Variants in ATRNL1 observed in about 807,000 individuals in gnomAD.
ATRNL1 encodes attractin-like protein 1.
Under a neutral mutation model 182.7 loss-of-function variants are expected in ATRNL1, and 95 were observed. The ratio of observed to expected loss-of-function variants is 0.52; its 90% confidence interval spans 0.44 to 0.62. The LOEUF is 0.62. Ranked by LOEUF, ATRNL1 falls within the 20% of genes least tolerant of loss-of-function variation. The probability of loss-of-function intolerance (pLI) is 0.00; values close to 1 mark genes in which losing one functional copy is unlikely to be tolerated. For synonymous variants in ATRNL1, 576 were observed against 568.3 expected (o/e 1.01, Z -0.19); for missense variants, 1,471 against 1,679.5 (o/e 0.88, Z 2.17).
intron 26 of ATRNL1, among the ~76,000 whole-genome samples, chr10:115,578,325 G>A (rs560236025): frequency 2.6e-5 from 4 of 151,666 alleles, no homozygotes; most frequent in East Asian, 1.9e-4. Context: ...TAAGAATTAC[G>A]GATATTAATT....
intron 26 of ATRNL1, among the ~76,000 whole-genome samples, chr10:115,646,937 TCCCCCCTC>T (rs1467640987): frequency 5.9e-4 from 35 of 59,632 alleles, no homozygotes; most frequent in African/African-American, 1.9e-3. Flanking sequence ...ATGCTAGCCC[TCCCCCCTC>T]CCCCCCTCCC....
Position 115,847,889 on chromosome 10 carries a change from C to G in ATRNL1, c.3916C>G (p.Pro1306Ala). The G allele has an allele frequency of 1.2e-6, 2 of 1,607,036 alleles. No individual in the cohort carries two copies. The highest frequency in any genetic ancestry group is 8.5e-7 in the Non-Finnish European group (1 of 1,173,968). The stretch of plus-strand genomic sequence containing the variant: ...TTTTCTTTTTCAGGGGGCACCCAAG[C>G]CAATTGCCATTGAACCATGTGCTGG... ...LRGPLEGAPK[P>A]IAIEPCAGNR... The change falls in exon 28 of 29, where the codon CCA (proline) becomes GCA (alanine). Residue 1306 changes from proline (P) to alanine (A), a missense_variant. By Grantham distance (27) the Pro-to-Ala change is conservative (BLOSUM62 -1). Coordinates refer to ENST00000355044, the MANE Select transcript of ATRNL1 (RefSeq NM_207303.4).
chr10:115,315,535 T>C lies in ATRNL1; in HGVS notation c.2836T>C (p.Leu946=). The C allele has an allele frequency of 2.5e-6, 4 of 1,611,956 alleles. No individual in the cohort carries two copies. Among genetic ancestry groups the C allele is most frequent in the Non-Finnish European group, 3.4e-6 (4 of 1,178,436 alleles). ...ATCSPQNCSG[L]RTCGQCLEQP... Reference sequence around the variant, plus strand: ...TCACGCAGCTCAAAATTGTTCTGGATTGAGAACCTGTGGACAGTGTTTGGA... The same window carrying C: ...TCACGCAGCTCAAAATTGTTCTGGACTGAGAACCTGTGGACAGTGTTTGGA... The change falls in exon 18 of 29, where the codon TTG becomes CTG. Residue 946 remains leucine (L), a synonymous_variant. Transcript: ENST00000355044.
intron 5 of ATRNL1, among the ~76,000 whole-genome samples, chr10:115,132,168 A>G (rs1554875368): frequency 6.8e-6 from 1 of 147,870 alleles, no homozygotes; most frequent in African/African-American, 2.6e-5. Context: ...CCTATAAGTG[A>G]GAACACGCGG....
At chr10:115,152,776 C>T (rs1846301731) in intron 5 of ATRNL1, among the ~76,000 whole-genome samples, 1 of 152,186 alleles carries the variant, frequency 6.6e-6, no homozygotes, top group South Asian at 2.1e-4. Flanking sequence ...TGAGAGAGGG[C>T]ATCCCTGTCT....
intron 26 of ATRNL1, among the ~76,000 whole-genome samples, chr10:115,587,343 C>A (rs1178118529): frequency 2.6e-5 from 4 of 151,898 alleles, no homozygotes; most frequent in African/African-American, 7.2e-5. Flanking sequence ...CAATGGCGGG[C>A]GCCCCTCCCC....
intron 8 of ATRNL1, among the ~76,000 whole-genome samples, chr10:115,176,032 G>A (rs1847492470): frequency 6.6e-6 from 1 of 152,100 alleles, no homozygotes; most frequent in Non-Finnish European, 1.5e-5. Context: ...TCTCATTGTG[G>A]TTTTGATTTG....
intron 26 of ATRNL1, among the ~76,000 whole-genome samples, chr10:115,683,955 C>T (rs2133956522): frequency 6.6e-6 from 1 of 151,528 alleles, no homozygotes; most frequent in East Asian, 1.9e-4. Context: ...GTGTTTTAGC[C>T]CAATTAGACT....
Position 115,266,798 on chromosome 10 carries a change from T to C in ATRNL1, c.1774T>C (p.Ser592Pro), listed in dbSNP as rs1554910838. 6.3e-7 allele frequency: 1 copy of C among 1,591,942 alleles called. No homozygotes were observed. Among genetic ancestry groups the C allele is most frequent in the Non-Finnish European group, 8.6e-7 (1 of 1,163,168 alleles). ...FGHSAVVING[S>P]MYIFGGFSSV... ...AGATTCTTGTTTTGTTTTTAATAGG[T>C]CCATGTATATATTTGGGGGATTTTC... The change falls in exon 12 of 29, where the codon TCC becomes CCC. Residue 592 changes from serine (S) to proline (P), a missense_variant and splice_region_variant. Physicochemically the swap from Ser to Pro is moderately conservative, Grantham distance 74. Coordinates refer to ENST00000355044, the MANE Select transcript of ATRNL1 (RefSeq NM_207303.4).
rs572259169 is a variant in ATRNL1, at chr10:115,111,322, G to A, written c.294-8863G>A. On this transcript the variant is annotated intron_variant, in intron 1 of 28. Coordinates refer to ENST00000355044, the MANE Select transcript of ATRNL1 (RefSeq NM_207303.4). ...ATCCTTGTTAGAATTATAGAGCTCA[G>A]AATCAGCTGATGTTGTAGTCCATTT... is the stretch of plus-strand genomic sequence containing the variant. Among the ~76,000 whole-genome samples, 6 of 152,332 alleles carry A rather than the reference G, an allele frequency of 3.9e-5. No individual in the cohort carries two copies. In the South Asian group the frequency reaches 1.2e-3, roughly 32 times the overall value.
chr10:115,409,412 G>C (rs1845022417), intron 20 of ATRNL1, among the ~76,000 whole-genome samples: 2 of 151,916 alleles, frequency 1.3e-5, no homozygotes, highest in African/African-American at 4.8e-5. Context: ...TGTTGATTTT[G>C]TAACCTACAA....
intron 21 of ATRNL1, among the ~76,000 whole-genome samples, chr10:115,458,320 C>T (rs1847625699): frequency 6.6e-6 from 1 of 152,072 alleles, no homozygotes; most frequent in Non-Finnish European, 1.5e-5. Context: ...TTCTGGAGTA[C>T]TTTCATTCTA....
At chr10:115,175,815 C>G (rs188363266) in intron 8 of ATRNL1, among the ~76,000 whole-genome samples, 150 of 152,108 alleles carry the variant, frequency 9.9e-4, no homozygotes, top group African/African-American at 3.3e-3. Flanking sequence ...ATAGTACTTT[C>G]AAAGAAAAGA....
chr10:115,799,586 C>T (rs1372648123), intron 27 of ATRNL1, among the ~76,000 whole-genome samples: 1 of 152,164 alleles, frequency 6.6e-6, no homozygotes, highest in Admixed American at 6.5e-5. Flanking sequence ...CAGCCAGGCC[C>T]CAGAATTCTG....
At chr10:115,489,020 T>C (rs1849166568) in intron 24 of ATRNL1, among the ~76,000 whole-genome samples, 1 of 152,286 alleles carries the variant, frequency 6.6e-6, no homozygotes, top group Admixed American at 6.5e-5. Flanking sequence ...TCAGTTTCCA[T>C]GTAGTTGTGT....
chr10:115,143,712 G>C (rs1279474335), intron 5 of ATRNL1, among the ~76,000 whole-genome samples: 3 of 152,086 alleles, frequency 2.0e-5, no homozygotes, highest in African/African-American at 7.2e-5. Flanking sequence ...GAGAGCGAGA[G>C]CAAGAGAGAG....
At chr10:115,159,930 G>GCTAAGCA in intron 5 of ATRNL1, 110 bp from the exon 6 acceptor site, 1 of 737,522 alleles carries the variant, frequency 1.4e-6, no homozygotes, top group Non-Finnish European at 2.0e-6. Flanking sequence ...GTATATATTT[G>GCTAAGCA]TTAATATGAT....
At chr10:115,484,951 G>C (rs1554974866) in intron 24 of ATRNL1, among the ~76,000 whole-genome samples, 3 of 151,796 alleles carry the variant, frequency 2.0e-5, no homozygotes, top group Non-Finnish European at 4.4e-5. Context: ...ATGAAATTGA[G>C]AGAAGGAGTT....
intron 24 of ATRNL1, among the ~76,000 whole-genome samples, chr10:115,502,738 A>T (rs1849907611): frequency 6.6e-6 from 1 of 152,134 alleles, no homozygotes. Context: ...AGATAAACTG[A>T]ACTGATTTTA....
Sources: allele counts gnomAD v4.1 joint callset (sites outside exome capture counted in the v4.1 genomes callset), GRCh38; gene constraint gnomAD v4.1.1; transcripts MANE v1.5; gene names NCBI Gene and HGNC (gene_info 2026-07-23, HGNC 2026-07-21).